The following ARHGEF9 variants were observed in gnomAD, a reference collection of about 807,000 sequenced individuals.
ARHGEF9 encodes rho guanine nucleotide exchange factor 9.
A neutral mutation model predicts 41.3 loss-of-function variants in ARHGEF9; 2 were observed. That is an observed-to-expected ratio of 0.05 (90% CI 0.02 to 0.15). The LOEUF is 0.15. Among genes scored for constraint, ARHGEF9 ranks in the 10% least tolerant of loss-of-function variants. The probability of loss-of-function intolerance (pLI) is 1.00; values close to 1 mark genes in which losing one functional copy is unlikely to be tolerated. For missense variants in ARHGEF9, 225 were observed against 424.7 expected (o/e 0.53, Z 4.13); for synonymous variants, 160 against 154.4 (o/e 1.04, Z -0.27).
intron 1 of ARHGEF9, among the ~76,000 whole-genome samples, chrX:63,774,734 T>C (rs1687032965): frequency 9.0e-6 from 1 of 111,532 alleles, no homozygotes; most frequent in Non-Finnish European, 1.9e-5. Context: ...GAAGATAACA[T>C]AGAAAACACT....
chrX:63,780,534 G>T (rs1231821848), intron 1 of ARHGEF9, among the ~76,000 whole-genome samples: 1 of 111,339 alleles, frequency 9.0e-6, no homozygotes, highest in East Asian at 2.8e-4. Context: ...AAGACTAAAA[G>T]TCAAAGCGTT....
chrX:63,727,642 G>GA (rs2054050608), intron 1 of ARHGEF9: 1 of 111,655 alleles, frequency 9.0e-6, no homozygotes, highest in East Asian at 2.8e-4. Flanking sequence ...AATACAGGTA[G>GA]AAAAAATAAT....
chrX:63,638,736 C>T (rs1349937552), intron 9 of ARHGEF9: 5 of 297,386 alleles, frequency 1.7e-5, no homozygotes, highest in Non-Finnish European at 2.9e-5. Context: ...TTTCTAAAAG[C>T]ATAAGGTGCA....
intron 8 of ARHGEF9, among the ~76,000 whole-genome samples, chrX:63,653,325 C>T (rs1250439368): frequency 9.0e-6 from 1 of 111,578 alleles, no homozygotes; most frequent in South Asian, 3.8e-4. Context: ...CAGCTTTGGC[C>T]TATGTCCATG....
rs1394633689 is a variant in ARHGEF9, at chrX:63,752,823, A to G, written c.31-28112T>C. Among the ~76,000 whole-genome samples, 7 of 112,157 alleles carry G rather than the reference A, an allele frequency of 6.2e-5. No homozygotes were observed. The South Asian group carries it at 1.9e-3, about 30-fold the overall frequency. On this transcript the variant is annotated intron_variant, in intron 1 of 9. Transcript: ENST00000671741. Reference sequence around the variant, plus strand: ...TAATCATTTCCAAAGAGACTGAACAACCGGACATGGAACTTGACAGCATAA... The same window carrying G: ...TAATCATTTCCAAAGAGACTGAACAGCCGGACATGGAACTTGACAGCATAA...
chrX:63,765,459 A>G (rs1170603108), intron 1 of ARHGEF9, among the ~76,000 whole-genome samples: 1 of 111,198 alleles, frequency 9.0e-6, no homozygotes, highest in Non-Finnish European at 1.9e-5. Flanking sequence ...AACCTTAGCA[A>G]CCAGCCCTTA....
Position 63,782,701 on chromosome X carries a change from T to C in ARHGEF9, c.30+2415A>G, listed in dbSNP as rs1169851593. On this transcript the variant is annotated intron_variant, in intron 1 of 9. Coordinates refer to ENST00000671741, the MANE Select transcript of ARHGEF9 (RefSeq NM_001353921.2). The stretch of plus-strand genomic sequence containing the variant: ...CAAACGAAAGAACAAGGAGCAAAGA[T>C]CTTTCAGCTAGCCACGTTATAAAAT... Among the ~76,000 whole-genome samples the C allele has an allele frequency of 4.4e-5, 5 of 112,546 alleles. No homozygotes were observed. In the Admixed American group the frequency reaches 4.7e-4, roughly 11 times the overall value.
At chrX:63,648,115 C>T (rs1221913954) in intron 8 of ARHGEF9, among the ~76,000 whole-genome samples, 1 of 110,716 alleles carries the variant, frequency 9.0e-6, no homozygotes, top group Non-Finnish European at 1.9e-5. Context: ...CAAAGATATT[C>T]CTCGAAAAGA....
Position 63,665,938 on chromosome X carries a change from T to C in ARHGEF9, c.1025A>G (p.Asn342Ser), listed in dbSNP as rs1556347319. Reference protein sequence around the residue: ...MAWIYQPYGRNQQRVFFLFDH... With the variant: ...MAWIYQPYGRSQQRVFFLFDH... ...AAACAGGAAGAAGACCCGCTGCTGG[T>C]TGCGGCCGTAGGGCTGGTAGATCCA... is the stretch of plus-strand genomic sequence containing the variant. The change falls in exon 7 of 10, where the codon AAC becomes AGC. Residue 342 changes from asparagine to serine, a missense_variant. By Grantham distance (46) the Asn-to-Ser change is conservative. Transcript: ENST00000671741. 4.1e-6 allele frequency: 5 copies of C among 1,210,781 alleles called. No homozygotes were observed. Among genetic ancestry groups the C allele is most frequent in the Non-Finnish European group, 5.6e-6 (5 of 895,296 alleles).
At chrX:63,745,655 T>C (rs1291689685) in intron 1 of ARHGEF9, among the ~76,000 whole-genome samples, 4 of 111,455 alleles carry the variant, frequency 3.6e-5, no homozygotes, top group Non-Finnish European at 7.5e-5. Context: ...GTTTTCTCAC[T>C]TGTAAAAAAA....
In ARHGEF9 at chrX:63,637,840, A is replaced by ATC. The variant is rs1232892034; in HGVS notation, c.*186_*187dup. ...ACAACAGAAAACACTTTTGTTCCTT[A>ATC]TCTCTCTGTGTGTGTGTGTGTGTGT... On this transcript the variant is annotated 3_prime_UTR_variant, in exon 10 of 10. Coordinates refer to ENST00000671741, the MANE Select transcript of ARHGEF9 (RefSeq NM_001353921.2). 2.9e-4 allele frequency: 95 copies of ATC among 325,970 alleles called. No individual in the cohort carries two copies. The highest frequency in any genetic ancestry group is 4.0e-4 in the Non-Finnish European group (81 of 202,504). 26.9% of individuals were successfully genotyped at this position (325,970 alleles called of 1,213,427 possible).
chrX:63,751,609 C>T (rs2147775822), intron 1 of ARHGEF9, among the ~76,000 whole-genome samples: 1 of 111,738 alleles, frequency 8.9e-6, no homozygotes, highest in East Asian at 2.8e-4. Flanking sequence ...AGCGCTAACC[C>T]ATTTCAACAG....
chrX:63,738,495 C>CTATTCACT (rs1304611680), intron 1 of ARHGEF9, among the ~76,000 whole-genome samples: 1 of 111,579 alleles, frequency 9.0e-6, no homozygotes, highest in Non-Finnish European at 1.9e-5. Context: ...TAACCTTTTC[C>CTATTCACT]TATTCACTTC....
chrX:63,740,994 C>T (rs782002687), intron 1 of ARHGEF9, among the ~76,000 whole-genome samples: 1 of 112,710 alleles, frequency 8.9e-6, no homozygotes, highest in African/African-American at 3.2e-5. Flanking sequence ...GGATCTCCCG[C>T]TTATGCATCC....
intron 8 of ARHGEF9, among the ~76,000 whole-genome samples, chrX:63,649,292 A>T (rs1464306190): frequency 6.3e-5 from 7 of 111,070 alleles, no homozygotes; most frequent in African/African-American, 2.3e-4. Flanking sequence ...AACTCACTCA[A>T]AACCGCTCAA....
chrX:63,748,274 C>T (rs1385151532), intron 1 of ARHGEF9, among the ~76,000 whole-genome samples: 1 of 111,637 alleles, frequency 9.0e-6, no homozygotes, highest in Non-Finnish European at 1.9e-5. Context: ...TTTGAATCAA[C>T]GACTCGAATG....
chrX:63,759,492 C>T (rs1178031662), intron 1 of ARHGEF9, among the ~76,000 whole-genome samples: 1 of 111,541 alleles, frequency 9.0e-6, no homozygotes, highest in Non-Finnish European at 1.9e-5. Flanking sequence ...GCCCCTTCAT[C>T]TTTGGGACAA....
intron 1 of ARHGEF9, among the ~76,000 whole-genome samples, chrX:63,730,482 A>T (rs1556419469): frequency 2.7e-5 from 3 of 111,980 alleles, no homozygotes; most frequent in Non-Finnish European, 5.6e-5. Flanking sequence ...TCACCCTGTG[A>T]ATGACCTACA....
intron 8 of ARHGEF9, among the ~76,000 whole-genome samples, chrX:63,650,664 CAAAGA>C (rs2048484449): frequency 9.0e-6 from 1 of 110,775 alleles, no homozygotes; most frequent in African/African-American, 3.3e-5. Flanking sequence ...GTTCCCAACA[CAAAGA>C]AAAGATGAGC....
Sources: gnomAD v4.1 joint callset for allele counts (sites outside exome capture counted in the v4.1 genomes callset) on GRCh38, gnomAD v4.1.1 for gene constraint, MANE v1.5 for transcripts, NCBI Gene and HGNC (gene_info 2026-07-23, HGNC 2026-07-21) for gene names.